DIAPH2: variants seen among roughly 807,000 people sequenced by gnomAD.
The protein encoded by DIAPH2 is protein diaphanous homolog 2.
Under a neutral mutation model 92.7 loss-of-function variants are expected in DIAPH2, and 35 were observed. The observed-to-expected ratio is 0.38, with a 90% CI of 0.29 to 0.50. DIAPH2 has a LOEUF of 0.50. DIAPH2 is among the 20% of genes least tolerant of loss of function. The pLI is 0.94. For synonymous variants in DIAPH2, 301 were observed against 280.4 expected, an observed-to-expected ratio of 1.07 and a Z score of -0.73; for missense variants, 701 against 819.5, an observed-to-expected ratio of 0.86 and a Z score of 1.77.
chrX:97,425,979 A>T (rs1280038688), intron 25 of DIAPH2, among the ~76,000 whole-genome samples: 1 of 110,268 alleles, frequency 9.1e-6, no homozygotes, highest in Non-Finnish European at 1.9e-5. Flanking sequence ...CCATCCAATG[A>T]CACCCAAATC....
chrX:97,573,122 G>A (rs759126267), intron 26 of DIAPH2, among the ~76,000 whole-genome samples: 1 of 111,121 alleles, frequency 9.0e-6, no homozygotes, highest in African/African-American at 3.3e-5. Context: ...AGTTCGGGGA[G>A]CAGTTGAAGC....
Position 97,114,926 on chromosome X carries a change from T to G in DIAPH2, c.2550T>G (p.Asn850Lys). ...ACTACATGAACTCAGGCTCAAGAAA[T>G]GCCCAGTCTTTGGGATTTAAGATCA... ...VGNYMNSGSR[N>K]AQSLGFKINF... The change falls in exon 21 of 27, where the codon AAT becomes AAG. Residue 850 changes from asparagine (N) to lysine (K), a missense_variant. Transcript: ENST00000324765. 1 of 1,198,101 alleles carries G rather than the reference T, an allele frequency of 8.3e-7. No homozygotes were observed. The highest frequency in any genetic ancestry group is 1.1e-6 in the Non-Finnish European group (1 of 887,900).
At chrX:97,491,695 C>T (rs1794546971) in intron 26 of DIAPH2, among the ~76,000 whole-genome samples, 1 of 112,142 alleles carries the variant, frequency 8.9e-6, no homozygotes, top group Admixed American at 9.5e-5. Flanking sequence ...CGCACCAGGC[C>T]TCCATTTACA....
At chrX:96,692,754 T>C (rs2063804441) in intron 1 of DIAPH2, among the ~76,000 whole-genome samples, 1 of 112,379 alleles carries the variant, frequency 8.9e-6, no homozygotes, top group Non-Finnish European at 1.9e-5. Flanking sequence ...GGAAATGCTG[T>C]AGATAGTTAG....
At chrX:96,865,188 C>T (rs2065097003) in intron 4 of DIAPH2, among the ~76,000 whole-genome samples, 1 of 111,988 alleles carries the variant, frequency 8.9e-6, no homozygotes, top group Non-Finnish European at 1.9e-5. Context: ...ATTGAGTGTT[C>T]TTTTTTGTTA....
chrX:97,508,259 TC>T (rs1208418057), intron 26 of DIAPH2, among the ~76,000 whole-genome samples: 2 of 112,211 alleles, frequency 1.8e-5, no homozygotes, highest in African/African-American at 6.5e-5. Context: ...ATACACTGCC[TC>T]TTAGATACTA....
At position 96,828,022 on chromosome X, in the gene DIAPH2, G is replaced by C. The variant is rs1032138518; in HGVS notation, c.448-53557G>C. On this transcript the variant is annotated intron_variant, in intron 4 of 26. Coordinates refer to ENST00000324765, the MANE Select transcript of DIAPH2 (RefSeq NM_006729.5). ...TGACCTCAGGTGATCCACCCACCTC[G>C]GCCTCCTAAAGTGCCGGGATTACAG... Among the ~76,000 whole-genome samples, 3 of 111,640 alleles carry C rather than the reference G, an allele frequency of 2.7e-5. No individual in the cohort carries two copies. In the East Asian group the frequency reaches 8.5e-4, roughly 32 times the overall value.
At chrX:97,031,818 A>G (rs770589917) in intron 17 of DIAPH2, among the ~76,000 whole-genome samples, 3 of 112,000 alleles carry the variant, frequency 2.7e-5, no homozygotes, top group African/African-American at 9.7e-5. Flanking sequence ...GTAAGCAAGA[A>G]TTCCCAGTAG....
chrX:97,120,447 C>T (rs2147384960), intron 21 of DIAPH2, among the ~76,000 whole-genome samples: 1 of 109,868 alleles, frequency 9.1e-6, no homozygotes, highest in South Asian at 4.0e-4. Flanking sequence ...TCTCGGGATT[C>T]CTGGTTTATC....
intron 16 of DIAPH2, among the ~76,000 whole-genome samples, chrX:96,959,365 T>G (rs2065832781): frequency 8.9e-6 from 1 of 111,864 alleles, no homozygotes; most frequent in African/African-American, 3.2e-5. Context: ...TGATTTGTAT[T>G]TCCCTGGTGA....
At position 97,014,487 on chromosome X, in the gene DIAPH2, A is replaced by T. The variant is rs767902520; in HGVS notation, c.2050+49280A>T. ...ACTTGTTTTCCACTCTTCCTCATGA[A>T]ACATAATGTTTTTATCTGTTTTTCC... On this transcript the variant is annotated intron_variant, in intron 17 of 26. Coordinates refer to ENST00000324765, the MANE Select transcript of DIAPH2 (RefSeq NM_006729.5). 1.2e-4 allele frequency among the ~76,000 whole-genome samples: 13 copies of T among 112,293 alleles called. No homozygotes were observed. The East Asian group carries it at 3.3e-3, about 29-fold the overall frequency.
intron 26 of DIAPH2, among the ~76,000 whole-genome samples, chrX:97,560,736 G>A (rs1312534637): frequency 1.8e-5 from 2 of 112,272 alleles, no homozygotes; most frequent in African/African-American, 3.2e-5. Context: ...CAGGTGATCC[G>A]CCTGCCTCGG....
At chrX:96,768,660 A>G (rs1234064736) in intron 4 of DIAPH2, among the ~76,000 whole-genome samples, 1 of 111,513 alleles carries the variant, frequency 9.0e-6, no homozygotes, top group Non-Finnish European at 1.9e-5. Context: ...TGAAAATGGG[A>G]AGAGCCATGC....
rs976112790 is a variant in DIAPH2, at chrX:97,291,429, A to G, written c.2844+43590A>G. Among the ~76,000 whole-genome samples, 14 of 111,411 alleles carry G rather than the reference A, an allele frequency of 1.3e-4. 1 individual carries two copies. Among genetic ancestry groups the G allele is most frequent in the African/African-American group, 4.6e-4 (14 of 30,714 alleles). On this transcript the variant is annotated intron_variant, in intron 23 of 26. Coordinates refer to ENST00000324765, the MANE Select transcript of DIAPH2 (RefSeq NM_006729.5). ...AAATAAAAATAAATTTTAAAAAGCT[A>G]GTGTGTCTATCTCCATATTTTTTCT... is the stretch of plus-strand genomic sequence containing the variant.
At chrX:96,877,578 A>C (rs1391580123) in intron 4 of DIAPH2, among the ~76,000 whole-genome samples, 1 of 111,954 alleles carries the variant, frequency 8.9e-6, no homozygotes, top group Non-Finnish European at 1.9e-5. Context: ...TAAGAACCAT[A>C]AAGCCTTTTC....
At chrX:97,180,508 A>G in intron 22 of DIAPH2, among the ~76,000 whole-genome samples, 1 of 111,726 alleles carries the variant, frequency 9.0e-6, no homozygotes, top group Middle Eastern at 4.6e-3. Flanking sequence ...CTTTAGTTTA[A>G]TTAGATCCCC....
chrX:97,129,576 A>G (rs1424607309), intron 21 of DIAPH2, among the ~76,000 whole-genome samples: 1 of 111,926 alleles, frequency 8.9e-6, no homozygotes, highest in African/African-American at 3.3e-5. Context: ...GAGACTGGCA[A>G]AAAATGTTAA....
intron 22 of DIAPH2, among the ~76,000 whole-genome samples, chrX:97,229,841 TA>T (rs1179003957): frequency 1.9e-5 from 2 of 103,471 alleles, no homozygotes; most frequent in Non-Finnish European, 3.9e-5. Flanking sequence ...TATTACATCT[TA>T]TTATATATAA....
At chrX:96,723,916 A>ATTTTTTTT (rs149595440) in intron 1 of DIAPH2, among the ~76,000 whole-genome samples, 10 of 71,298 alleles carry the variant, frequency 1.4e-4, no homozygotes, top group South Asian at 7.9e-4. Context: ...TGATTCTATA[A>ATTTTTTTT]TTTTTTTTTT....
Sources: gnomAD v4.1 joint callset for allele counts (sites outside exome capture counted in the v4.1 genomes callset) on GRCh38, gnomAD v4.1.1 for gene constraint, MANE v1.5 for transcripts, NCBI Gene and HGNC (gene_info 2026-07-23, HGNC 2026-07-21) for gene names.